SOX6: variants seen among roughly 807,000 people sequenced by gnomAD.
SOX6 encodes SRY-box transcription factor 6, also known as transcription factor SOX-6.
In SOX6, 11 loss-of-function variants were observed where a neutral mutation model predicts 97.8. The observed-to-expected ratio is 0.11, with a 90% CI of 0.07 to 0.19. The LOEUF is 0.19. Ranked by LOEUF, SOX6 falls within the 10% of genes least tolerant of loss-of-function variation. The pLI, the probability that SOX6 is intolerant of heterozygous loss-of-function variation, is 1.00. For missense variants in SOX6, 810 were observed against 1,039.5 expected, an observed-to-expected ratio of 0.78 and a Z score of 3.04; for synonymous variants, 360 against 371.4, an observed-to-expected ratio of 0.97 and a Z score of 0.35.
At chr11:16,583,075 A>G (rs1455927980) in intron 4 of SOX6, among the ~76,000 whole-genome samples, 1 of 152,116 alleles carries the variant, frequency 6.6e-6, no homozygotes. Context: ...GGAATAATAT[A>G]TACTTCACAG....
intron 9 of SOX6, among the ~76,000 whole-genome samples, chr11:16,065,089 A>G (rs1039813690): frequency 2.6e-5 from 4 of 152,094 alleles, no homozygotes; most frequent in African/African-American, 4.8e-5. Flanking sequence ...CCTTGTTTAC[A>G]GATGATATGA....
intron 4 of SOX6, among the ~76,000 whole-genome samples, chr11:16,559,008 G>A (rs2048175651): frequency 6.6e-6 from 1 of 151,950 alleles, no homozygotes; most frequent in Admixed American, 6.6e-5. Flanking sequence ...TTTTTAGAAA[G>A]TAACAACAAT....
chr11:16,427,061 T>C (rs1859155699), intron 1 of SOX6, among the ~76,000 whole-genome samples: 4 of 151,704 alleles, frequency 2.6e-5, no homozygotes, highest in Admixed American at 6.6e-5. Flanking sequence ...GACATAAGCA[T>C]AGGCAAAGAT....
rs869172397 is a variant in SOX6 at position 16,565,721 on chromosome 11, T to TAAAAAAAAAAAAAAAAAAA, written n.609+46341_609+46359dup. On this transcript the variant is annotated intron_variant and non_coding_transcript_variant, in intron 4 of 5. Transcript: ENST00000524520. The stretch of plus-strand genomic sequence containing the variant: ...AAAAATAAAAAAATAAATAAATAAA[T>TAAAAAAAAAAAAAAAAAAA]AAAAAAAAAAAAAAAAAAAAAAAAA... Among the ~76,000 whole-genome samples the TAAAAAAAAAAAAAAAAAAA allele has an allele frequency of 3.1e-4, 2 of 6,450 alleles. 1 individual carries two copies. The highest frequency in any genetic ancestry group is 1.1e-3 in the African/African-American group (2 of 1,816). 4.2% of individuals were successfully genotyped at this position (6,450 alleles called of 152,430 possible). A position where few individuals can be genotyped will look rare whatever the true frequency, so the allele number is the denominator to read the frequency against.
At chr11:16,622,477 T>A (rs1251413869) in intron 3 of SOX6, among the ~76,000 whole-genome samples, 1 of 152,206 alleles carries the variant, frequency 6.6e-6, no homozygotes, top group Admixed American at 6.5e-5. Context: ...TGTCTTTGCA[T>A]CCTCATAGCT....
chr11:15,977,305 G>A (rs923948606), intron 15 of SOX6, among the ~76,000 whole-genome samples: 9 of 151,980 alleles, frequency 5.9e-5, no homozygotes, highest in East Asian at 1.9e-4. Context: ...TTAGTTGCTC[G>A]CTCTCTTGTC....
At chr11:16,477,666 CATCTCTAAAAA>C (rs574361949), upstream of SOX6, among the ~76,000 whole-genome samples, 1 of 152,234 alleles carries the variant, frequency 6.6e-6, no homozygotes, top group East Asian at 1.9e-4. Flanking sequence ...GCCTAGGCAA[CATCTCTAAAAA>C]ATCTCTAAAA....
intron 12 of SOX6, among the ~76,000 whole-genome samples, chr11:16,019,104 A>G (rs1020925465): frequency 1.3e-5 from 2 of 152,212 alleles, no homozygotes; most frequent in South Asian, 4.1e-4. Flanking sequence ...TCTCCTGAAA[A>G]ACAACACGTG....
intron 1 of SOX6, among the ~76,000 whole-genome samples, chr11:16,444,763 A>G (rs762659043): frequency 1.6e-5 from 2 of 127,800 alleles, no homozygotes; most frequent in African/African-American, 2.7e-5. Context: ...AAGAGGTTAA[A>G]GAGAGAAGCA....
intron 1 of SOX6, among the ~76,000 whole-genome samples, chr11:16,455,398 C>A (rs1480818860): frequency 2.6e-5 from 4 of 151,866 alleles, no homozygotes; most frequent in African/African-American, 7.2e-5. Flanking sequence ...TATATAAATA[C>A]TTTTTCTTTA....
chr11:16,504,509 C>T (rs182500223), intron 4 of SOX6, among the ~76,000 whole-genome samples: 40 of 151,386 alleles, frequency 2.6e-4, no homozygotes, highest in Middle Eastern at 6.8e-3. Flanking sequence ...AAAAAAACTT[C>T]GAAATAAATT....
At chr11:16,080,798 T>C (rs1848456587) in intron 9 of SOX6, among the ~76,000 whole-genome samples, 1 of 152,002 alleles carries the variant, frequency 6.6e-6, no homozygotes, top group African/African-American at 2.4e-5. Flanking sequence ...CTGGGAACAA[T>C]TAATTTGGAC....
At chr11:16,180,742 A>G (rs751065909) in intron 6 of SOX6, among the ~76,000 whole-genome samples, 6 of 151,792 alleles carry the variant, frequency 4.0e-5, no homozygotes, top group Non-Finnish European at 5.9e-5. Context: ...CTTTTCCAAC[A>G]CGGTTTACTT....
chr11:16,709,881 A>G (rs1164521291), intron 3 of SOX6, among the ~76,000 whole-genome samples: 3 of 152,222 alleles, frequency 2.0e-5, no homozygotes, highest in African/African-American at 4.8e-5. Flanking sequence ...CAAAGAATGA[A>G]TATCTCACAC....
chr11:16,737,550 T>C (rs1302934568), intron 1 of SOX6, among the ~76,000 whole-genome samples: 3 of 151,318 alleles, frequency 2.0e-5, no homozygotes, highest in Non-Finnish European at 2.9e-5. Context: ...GTATTCAAGG[T>C]GAGAAAGCTT....
chr11:16,328,277 T>C (rs904751136), intron 2 of SOX6, among the ~76,000 whole-genome samples: 17 of 152,160 alleles, frequency 1.1e-4, no homozygotes, highest in Non-Finnish European at 2.5e-4. Context: ...TCTCCTTCAT[T>C]AAAAATGAGT....
intron 3 of SOX6, among the ~76,000 whole-genome samples, chr11:16,239,840 G>A (rs938478724): frequency 2.0e-5 from 3 of 151,718 alleles, no homozygotes; most frequent in Non-Finnish European, 4.4e-5. Flanking sequence ...TCTTGTCCTG[G>A]TCCTAATTTT....
At chr11:16,723,645 A>G (rs186227919) in intron 2 of SOX6, among the ~76,000 whole-genome samples, 131 of 152,250 alleles carry the variant, frequency 8.6e-4, no homozygotes, top group African/African-American at 2.6e-3. Context: ...CCCCATCTCT[A>G]CTAAAAATAC....
intron 12 of SOX6, among the ~76,000 whole-genome samples, chr11:16,032,787 T>A (rs1297494230): frequency 6.6e-6 from 1 of 151,964 alleles, no homozygotes; most frequent in Non-Finnish European, 1.5e-5. Flanking sequence ...CAGCCATTAT[T>A]CCCCATATGC....
Sources: allele counts gnomAD v4.1 joint callset (sites outside exome capture counted in the v4.1 genomes callset), GRCh38; gene constraint gnomAD v4.1.1; transcripts MANE v1.5; gene names NCBI Gene and HGNC (gene_info 2026-07-23, HGNC 2026-07-21).